The following CNTN5 variants were observed in gnomAD, a reference collection of about 807,000 sequenced individuals.
CNTN5 encodes the protein contactin 5.
Under a neutral mutation model 129.1 loss-of-function variants are expected in CNTN5, and 77 were observed. The observed-to-expected ratio is 0.60, with a 90% CI of 0.50 to 0.72. The LOEUF is 0.72. Among genes scored for constraint, CNTN5 ranks in the 30% least tolerant of loss-of-function variants. The probability of loss-of-function intolerance (pLI) is 0.00; values close to 1 mark genes in which losing one functional copy is unlikely to be tolerated. For missense variants in CNTN5, 1,478 were observed against 1,328.8 expected, an observed-to-expected ratio of 1.11 and a Z score of -1.75; for synonymous variants, 509 against 465.6, an observed-to-expected ratio of 1.09 and a Z score of -1.20.
intron 1 of CNTN5, among the ~76,000 whole-genome samples, chr11:99,115,179 T>C (rs767217607): frequency 6.6e-5 from 10 of 152,182 alleles, no homozygotes; most frequent in Non-Finnish European, 1.5e-4. Context: ...ATTTTTGTTA[T>C]AGCACCCTGA....
At chr11:99,885,365 C>A (rs1425565045) in intron 6 of CNTN5, among the ~76,000 whole-genome samples, 1 of 152,116 alleles carries the variant, frequency 6.6e-6, no homozygotes. Flanking sequence ...ACAATAATGA[C>A]AAGTAAACTA....
chr11:100,052,524 C>G (rs1943013110), intron 9 of CNTN5, among the ~76,000 whole-genome samples: 1 of 151,752 alleles, frequency 6.6e-6, no homozygotes, highest in Non-Finnish European at 1.5e-5. Flanking sequence ...GACCTGTACA[C>G]TGAGAATTTG....
chr11:99,865,520 A>G (rs1470287935), intron 6 of CNTN5, among the ~76,000 whole-genome samples: 2 of 151,910 alleles, frequency 1.3e-5, no homozygotes, highest in African/African-American at 4.8e-5. Context: ...TGAAATGAAT[A>G]TGTTATGATA....
chr11:99,211,289 C>T lies in CNTN5; in HGVS notation c.-209-114057C>T, dbSNP rs117953066. On this transcript the variant is annotated intron_variant, in intron 1 of 24. Transcript: ENST00000524871. ...TTCTTTGTAACCTGCTGTGAAAGGA[C>T]GCAAAGATAGATTTTTTGGGGGGTT... is the stretch of plus-strand genomic sequence containing the variant. Among the ~76,000 whole-genome samples the T allele has an allele frequency of 1.3e-3, 192 of 152,110 alleles. 5 individuals are homozygous for T. In the East Asian group the frequency reaches 0.034, roughly 27 times the overall value.
chr11:99,259,459 A>T (rs1862530325), intron 1 of CNTN5, among the ~76,000 whole-genome samples: 1 of 151,908 alleles, frequency 6.6e-6, no homozygotes, highest in African/African-American at 2.4e-5. Context: ...AATGACATTT[A>T]TCTGCAGTGG....
chr11:99,409,390 C>G (rs1053144849), intron 2 of CNTN5, among the ~76,000 whole-genome samples: 1 of 152,166 alleles, frequency 6.6e-6, no homozygotes, highest in East Asian at 1.9e-4. Flanking sequence ...ATGGCGTGAA[C>G]CCGGGAGATG....
At chr11:100,308,751 T>C (rs1951409592) in intron 21 of CNTN5, 1 of 1,027,898 alleles carries the variant, frequency 9.7e-7, no homozygotes, top group Non-Finnish European at 1.2e-6. Flanking sequence ...TATTTAATTG[T>C]ATCCAATTTA....
At chr11:99,541,317 C>A (rs1948099461) in intron 2 of CNTN5, among the ~76,000 whole-genome samples, 1 of 152,134 alleles carries the variant, frequency 6.6e-6, no homozygotes, top group South Asian at 2.1e-4. Context: ...AACACATGAT[C>A]TCCTTGAAAT....
At chr11:100,075,632 C>T (rs2137896349) in intron 13 of CNTN5, among the ~76,000 whole-genome samples, 1 of 152,218 alleles carries the variant, frequency 6.6e-6, no homozygotes, top group South Asian at 2.1e-4. Context: ...CCTATGTGTT[C>T]AGATTCTTCT....
chr11:99,483,716 A>G (rs1002183460), intron 2 of CNTN5, among the ~76,000 whole-genome samples: 1 of 152,048 alleles, frequency 6.6e-6, no homozygotes, highest in Admixed American at 6.5e-5. Flanking sequence ...GACATTTTCC[A>G]CAGAAATAGA....
At chr11:99,306,478 G>C (rs991646267) in intron 1 of CNTN5, among the ~76,000 whole-genome samples, 2 of 152,016 alleles carry the variant, frequency 1.3e-5, no homozygotes, top group African/African-American at 4.8e-5. Flanking sequence ...CTACCATAGT[G>C]CCCAATAACT....
rs972711314 is a variant in CNTN5, at chr11:100,083,825, T to C, written c.1580+9531T>C. On this transcript the variant is annotated intron_variant, in intron 13 of 24. Coordinates refer to ENST00000524871, the MANE Select transcript of CNTN5 (RefSeq NM_014361.4). Reference sequence around the variant, plus strand: ...CTAATATTTTCCAAATTTAGGGTGATGGAAAACCTAAACACTCCTCTTTAA... The same window carrying C: ...CTAATATTTTCCAAATTTAGGGTGACGGAAAACCTAAACACTCCTCTTTAA... Among the ~76,000 whole-genome samples, 8 of 152,280 alleles carry C rather than the reference T, an allele frequency of 5.3e-5. No individual in the cohort carries two copies. The East Asian group carries it at 5.8e-4, about 11-fold the overall frequency.
intron 13 of CNTN5, among the ~76,000 whole-genome samples, chr11:100,102,871 G>A (rs1281712074): frequency 6.6e-6 from 1 of 152,080 alleles, no homozygotes; most frequent in East Asian, 1.9e-4. Context: ...AAGAGAAATG[G>A]ATTCTTCCTC....
chr11:99,036,298 A>C (rs1223324570), intron 1 of CNTN5, among the ~76,000 whole-genome samples: 1 of 152,084 alleles, frequency 6.6e-6, no homozygotes, highest in African/African-American at 2.4e-5. Context: ...TATCTCCTAC[A>C]CATCAGATTT....
chr11:100,090,261 A>G (rs1344524718), intron 13 of CNTN5, among the ~76,000 whole-genome samples: 1 of 152,024 alleles, frequency 6.6e-6, no homozygotes, highest in African/African-American at 2.4e-5. Context: ...TGGGCAAACA[A>G]TGGAAGCATT....
chr11:100,176,447 G>A (rs1947965806), intron 13 of CNTN5, among the ~76,000 whole-genome samples: 1 of 151,968 alleles, frequency 6.6e-6, no homozygotes, highest in Admixed American at 6.6e-5. Flanking sequence ...AAATTTTTAT[G>A]TTGGCCCTTA....
At chr11:99,235,556 C>G (rs929900280) in intron 1 of CNTN5, among the ~76,000 whole-genome samples, 1 of 152,056 alleles carries the variant, frequency 6.6e-6, no homozygotes, top group African/African-American at 2.4e-5. Context: ...TGAAAAGTGT[C>G]TTAGATAATA....
chr11:99,957,697 A>C (rs1439316601), intron 8 of CNTN5, among the ~76,000 whole-genome samples: 1 of 152,200 alleles, frequency 6.6e-6, no homozygotes, highest in Non-Finnish European at 1.5e-5. Flanking sequence ...GTTATTAAGA[A>C]GCATGAGAAT....
chr11:100,204,296 TAATATATATA>T (rs1164210379), intron 15 of CNTN5, among the ~76,000 whole-genome samples: 2 of 15,294 alleles, frequency 1.3e-4, no homozygotes, highest in African/African-American at 3.0e-4. Flanking sequence ...AAACATTGAC[TAATATATATA>T]TATATATATA....
Sources: allele counts gnomAD v4.1 joint callset (sites outside exome capture counted in the v4.1 genomes callset), GRCh38; gene constraint gnomAD v4.1.1; transcripts MANE v1.5; gene names NCBI Gene and HGNC (gene_info 2026-07-23, HGNC 2026-07-21).